The following CNTN5 variants were observed in gnomAD, a reference collection of about 807,000 sequenced individuals.
CNTN5 encodes contactin 5.
CNTN5 carries 77 observed loss-of-function variants against 129.1 expected under a neutral mutation model. The observed-to-expected ratio is 0.60, with a 90% CI of 0.50 to 0.72. CNTN5 has a LOEUF of 0.72. CNTN5 is among the 30% of genes least tolerant of loss of function. The probability of loss-of-function intolerance (pLI) is 0.00; values close to 1 mark genes in which losing one functional copy is unlikely to be tolerated. For synonymous variants in CNTN5, 509 were observed against 465.6 expected (o/e 1.09, Z -1.20); for missense variants, 1,478 against 1,328.8 (o/e 1.11, Z -1.75).
chr11:99,588,125 C>G (rs138451411), intron 3 of CNTN5, among the ~76,000 whole-genome samples: 1 of 152,078 alleles, frequency 6.6e-6, no homozygotes, highest in Non-Finnish European at 1.5e-5. Context: ...GGGCGGATCA[C>G]GATGTCAGGA....
intron 1 of CNTN5, among the ~76,000 whole-genome samples, chr11:99,322,458 A>C (rs1405868442): frequency 6.6e-6 from 1 of 152,310 alleles, no homozygotes; most frequent in Non-Finnish European, 1.5e-5. Context: ...TTTTAACATG[A>C]ATAGAAGCTC....
chr11:99,906,691 A>G (rs899742607), intron 6 of CNTN5, among the ~76,000 whole-genome samples: 3 of 151,958 alleles, frequency 2.0e-5, no homozygotes, highest in Admixed American at 6.6e-5. Flanking sequence ...CCTCTTTTCT[A>G]CTTTTTGGAA....
chr11:100,202,040 A>G lies in CNTN5; in HGVS notation c.1884+8377A>G, dbSNP rs1948792124. On this transcript the variant is annotated intron_variant, in intron 15 of 24. Transcript: ENST00000524871. The stretch of plus-strand genomic sequence containing the variant: ...CCTGGCAATATGCTAGACTTTTCAA[A>G]TATTATTTCATTTACTTCCCTCAAA... Among the ~76,000 whole-genome samples, 4 of 152,148 alleles carry G rather than the reference A, an allele frequency of 2.6e-5. No homozygotes were observed. The South Asian group carries it at 8.3e-4, about 32-fold the overall frequency.
chr11:100,229,220 T>G (rs1259556660), intron 16 of CNTN5, among the ~76,000 whole-genome samples: 2 of 152,122 alleles, frequency 1.3e-5, no homozygotes, highest in African/African-American at 2.4e-5. Context: ...AAATATTTAT[T>G]TTACCCCATG....
chr11:99,176,365 T>C (rs1857773863), intron 1 of CNTN5, among the ~76,000 whole-genome samples: 2 of 152,172 alleles, frequency 1.3e-5, no homozygotes, highest in Admixed American at 1.3e-4. Context: ...ACTTCTACAT[T>C]TATTGCTCCA....
chr11:99,665,858 T>C (rs1012735557), intron 3 of CNTN5, among the ~76,000 whole-genome samples: 1 of 152,160 alleles, frequency 6.6e-6, no homozygotes, highest in African/African-American at 2.4e-5. Flanking sequence ...TTTTGTTCTT[T>C]AAAAATGATT....
At chr11:99,637,010 C>CAAAAAA (rs869133131) in intron 3 of CNTN5, among the ~76,000 whole-genome samples, 7 of 7,822 alleles carry the variant, frequency 8.9e-4, no homozygotes, top group East Asian at 3.7e-3. Context: ...AACTTTGTCT[C>CAAAAAA]AAAAAAAAAA....
At chr11:99,032,819 GT>G (rs1379437560) in intron 1 of CNTN5, among the ~76,000 whole-genome samples, 1 of 147,634 alleles carries the variant, frequency 6.8e-6, no homozygotes, top group Non-Finnish European at 1.5e-5. Flanking sequence ...TGCTTTTGGT[GT>G]TTTAGACATG....
At chr11:99,407,735 T>C (rs1404830509) in intron 2 of CNTN5, among the ~76,000 whole-genome samples, 1 of 152,146 alleles carries the variant, frequency 6.6e-6, no homozygotes, top group Non-Finnish European at 1.5e-5. Context: ...GAATTCAAGT[T>C]CTGACTGTTA....
chr11:99,730,334 C>G (rs17134278), intron 3 of CNTN5, among the ~76,000 whole-genome samples: 14,767 of 152,156 alleles, frequency 0.097, 819 homozygotes, highest in South Asian at 0.26. Flanking sequence ...ACCTAAAATG[C>G]AAACATCACT....
intron 6 of CNTN5, among the ~76,000 whole-genome samples, chr11:99,912,934 A>G (rs1949699254): frequency 6.6e-6 from 1 of 151,826 alleles, no homozygotes; most frequent in Non-Finnish European, 1.5e-5. Context: ...TGTGATTTTT[A>G]TTTTTACTCC....
At chr11:100,282,613 T>A (rs994548509) in intron 18 of CNTN5, among the ~76,000 whole-genome samples, 1 of 152,218 alleles carries the variant, frequency 6.6e-6, no homozygotes, top group African/African-American at 2.4e-5. Flanking sequence ...CTCAAGGCCC[T>A]GGGGCTCTAC....
intron 2 of CNTN5, among the ~76,000 whole-genome samples, chr11:99,327,675 C>T (rs1865840765): frequency 6.6e-6 from 1 of 152,192 alleles, no homozygotes; most frequent in African/African-American, 2.4e-5. Context: ...AGTGGATTCA[C>T]AGTGTCATTT....
At chr11:99,616,239 T>C (rs1591366195) in intron 3 of CNTN5, among the ~76,000 whole-genome samples, 3 of 152,178 alleles carry the variant, frequency 2.0e-5, no homozygotes, top group South Asian at 4.1e-4. Context: ...GCCATTCCGA[T>C]GTGGCAGTCA....
chr11:100,058,534 G>T (rs1317432187), intron 9 of CNTN5, among the ~76,000 whole-genome samples: 1 of 152,026 alleles, frequency 6.6e-6, no homozygotes, highest in Non-Finnish European at 1.5e-5. Context: ...TAATATGTCA[G>T]ACTCATATAA....
chr11:100,084,826 G>A (rs1348846062), intron 13 of CNTN5, among the ~76,000 whole-genome samples: 1 of 152,026 alleles, frequency 6.6e-6, no homozygotes, highest in Admixed American at 6.6e-5. Flanking sequence ...AGTTGCAAAT[G>A]GTAGCTCTAC....
intron 3 of CNTN5, among the ~76,000 whole-genome samples, chr11:99,777,240 C>T (rs1002699250): frequency 6.6e-6 from 1 of 151,764 alleles, no homozygotes; most frequent in Non-Finnish European, 1.5e-5. Context: ...TTGAAGTTCA[C>T]ATGTATCTTT....
At chr11:99,635,905 T>C (rs1033026281) in intron 3 of CNTN5, among the ~76,000 whole-genome samples, 8 of 152,148 alleles carry the variant, frequency 5.3e-5, no homozygotes, top group African/African-American at 1.9e-4. Flanking sequence ...AAACCAGTAC[T>C]CTGAAGCAAG....
At chr11:100,073,952 T>C (rs1944028236) in intron 12 of CNTN5, among the ~76,000 whole-genome samples, 192 bp from the exon 13 acceptor site, 1 of 152,310 alleles carries the variant, frequency 6.6e-6, no homozygotes, top group South Asian at 2.1e-4. Flanking sequence ...TGAAATCACC[T>C]GCTAATGTAC....
Sources: gnomAD v4.1 joint callset for allele counts (sites outside exome capture counted in the v4.1 genomes callset) on GRCh38, gnomAD v4.1.1 for gene constraint, MANE v1.5 for transcripts, NCBI Gene and HGNC (gene_info 2026-07-23, HGNC 2026-07-21) for gene names.